The following NCAM2 variants were observed in gnomAD, a reference collection of about 807,000 sequenced individuals.
NCAM2 encodes the protein N-CAM-2.
A neutral mutation model predicts 98.1 loss-of-function variants in NCAM2; 30 were observed. That is an observed-to-expected ratio of 0.31 (90% CI 0.23 to 0.41). The LOEUF is 0.41. Among genes scored for constraint, NCAM2 ranks in the 10% least tolerant of loss-of-function variants. The pLI, the probability that NCAM2 is intolerant of heterozygous loss-of-function variation, is 1.00. For missense variants in NCAM2, 867 were observed against 1,005.8 expected, an observed-to-expected ratio of 0.86 and a Z score of 1.87; for synonymous variants, 368 against 342.4, an observed-to-expected ratio of 1.07 and a Z score of -0.83.
intron 1 of NCAM2, among the ~76,000 whole-genome samples, chr21:21,039,437 G>A (rs1389532800): frequency 2.0e-5 from 3 of 152,142 alleles, no homozygotes; most frequent in African/African-American, 7.2e-5. Flanking sequence ...ATAGCTAGAA[G>A]AAAGAACATG....
chr21:21,248,120 A>G, intron 1 of NCAM2, among the ~76,000 whole-genome samples: 1 of 14,326 alleles, frequency 7.0e-5, no homozygotes, highest in South Asian at 0.12. Flanking sequence ...CTCTACATGT[A>G]TATGGAATTC....
intron 12 of NCAM2, among the ~76,000 whole-genome samples, chr21:21,441,068 C>T (rs1192061353): frequency 6.6e-6 from 1 of 152,162 alleles, no homozygotes; most frequent in Admixed American, 6.5e-5. Context: ...TTCTCTCTTG[C>T]TCATCATACT....
At chr21:21,526,849 A>G (rs947552695) in intron 16 of NCAM2, among the ~76,000 whole-genome samples, 2 of 152,160 alleles carry the variant, frequency 1.3e-5, no homozygotes, top group African/African-American at 4.8e-5. Context: ...CTGACATGTC[A>G]CACATAGTTA....
At chr21:21,136,635 T>G (rs1226943997) in intron 1 of NCAM2, among the ~76,000 whole-genome samples, 1 of 145,360 alleles carries the variant, frequency 6.9e-6, no homozygotes, top group East Asian at 2.1e-4. Flanking sequence ...TTTTTGTTTT[T>G]TTTTTTATTT....
At chr21:21,010,871 T>C (rs1211547220) in intron 1 of NCAM2, among the ~76,000 whole-genome samples, 1 of 152,034 alleles carries the variant, frequency 6.6e-6, no homozygotes, top group African/African-American at 2.4e-5. Context: ...GGAGCTGAGG[T>C]TGAATGATAA....
chr21:21,228,048 C>G (rs1184756546), intron 1 of NCAM2, among the ~76,000 whole-genome samples: 1 of 151,600 alleles, frequency 6.6e-6, no homozygotes, highest in Non-Finnish European at 1.5e-5. Flanking sequence ...ACATACAACC[C>G]ATGCCACTGA....
chr21:21,108,443 A>G (rs1279876017), intron 1 of NCAM2, among the ~76,000 whole-genome samples: 4 of 152,128 alleles, frequency 2.6e-5, no homozygotes, highest in Non-Finnish European at 5.9e-5. Context: ...ACTACCATCC[A>G]AATTACTGTC....
chr21:21,512,761 C>A (rs897194230), intron 16 of NCAM2, among the ~76,000 whole-genome samples: 1 of 151,938 alleles, frequency 6.6e-6, no homozygotes. Flanking sequence ...TTGAAGTTTT[C>A]ATCAATGTTT....
At chr21:21,029,260 C>T (rs1302897832) in intron 1 of NCAM2, among the ~76,000 whole-genome samples, 1 of 152,188 alleles carries the variant, frequency 6.6e-6, no homozygotes, top group African/African-American at 2.4e-5. Context: ...CAGATGAAAT[C>T]TGTGACAGTG....
At chr21:21,427,137 G>A (rs549046893) in intron 11 of NCAM2, among the ~76,000 whole-genome samples, 9 of 152,130 alleles carry the variant, frequency 5.9e-5, no homozygotes, top group Admixed American at 2.6e-4. Flanking sequence ...TAAAGATGTT[G>A]GGGCAGAAAT....
chr21:21,075,530 G>T (rs8131892), intron 1 of NCAM2, among the ~76,000 whole-genome samples: 5,636 of 152,132 alleles, frequency 0.037, 325 homozygotes, highest in African/African-American at 0.13. Context: ...TGTATTTGCC[G>T]TGTTCTTCAT....
intron 1 of NCAM2, among the ~76,000 whole-genome samples, chr21:21,215,725 T>A (rs2069871717): frequency 7.5e-6 from 1 of 133,408 alleles, no homozygotes; most frequent in Non-Finnish European, 1.7e-5. Flanking sequence ...AAAGATTCCA[T>A]TTCAAAAAAA....
At chr21:21,390,354 G>C (rs185361897) in intron 9 of NCAM2, among the ~76,000 whole-genome samples, 21 of 152,156 alleles carry the variant, frequency 1.4e-4, no homozygotes, top group African/African-American at 5.1e-4. Flanking sequence ...TATCAAGGAG[G>C]ACTTTGAAAA....
chr21:21,443,668 T>C (rs920207283), intron 12 of NCAM2, among the ~76,000 whole-genome samples: 2 of 152,118 alleles, frequency 1.3e-5, no homozygotes, highest in Non-Finnish European at 2.9e-5. Context: ...ATTTCTCTTT[T>C]TAAGTACTCA....
At chr21:21,465,866 A>G (rs2146209883) in intron 12 of NCAM2, among the ~76,000 whole-genome samples, 1 of 152,188 alleles carries the variant, frequency 6.6e-6, no homozygotes, top group Admixed American at 6.6e-5. Flanking sequence ...GAATTTTTGA[A>G]GATGTAATAT....
In NCAM2 at chr21:21,262,390, C is replaced by A. The variant is rs78707494; in HGVS notation, c.56-18188C>A. ...GTATTACCCTGATACCAAAATCTGA[C>A]AAGAACACACACACACCAAAGAGAA... On this transcript the variant is annotated intron_variant, in intron 1 of 17. Transcript: ENST00000400546. Among the ~76,000 whole-genome samples the A allele has an allele frequency of 0.01, 1,529 of 152,146 alleles. 61 individuals are homozygous for A. The East Asian group carries it at 0.16, about 16-fold the overall frequency.
intron 1 of NCAM2, among the ~76,000 whole-genome samples, chr21:21,013,864 G>T (rs2064256547): frequency 6.6e-6 from 1 of 152,160 alleles, no homozygotes; most frequent in Admixed American, 6.5e-5. Flanking sequence ...AAAGTGCAAG[G>T]TGAAGCAGCA....
intron 12 of NCAM2, among the ~76,000 whole-genome samples, chr21:21,462,089 C>T (rs551663424): frequency 2.2e-4 from 34 of 152,120 alleles, no homozygotes; most frequent in African/African-American, 8.2e-4. Flanking sequence ...ACTTGAGGGA[C>T]TTCACTGTGT....
chr21:21,243,505 G>T (rs1041785), intron 1 of NCAM2, among the ~76,000 whole-genome samples: 150,980 of 152,284 alleles, frequency 0.99, 74,860 homozygotes, highest in East Asian at 1. Context: ...AAATTTATTT[G>T]ACAGTTAAGA....
Sources: allele counts gnomAD v4.1 joint callset (sites outside exome capture counted in the v4.1 genomes callset), GRCh38; gene constraint gnomAD v4.1.1; transcripts MANE v1.5; gene names NCBI Gene and HGNC (gene_info 2026-07-23, HGNC 2026-07-21).